NFIB: variants seen among roughly 807,000 people sequenced by gnomAD.
NFIB encodes nuclear factor 1 B-type.
In NFIB, 11 loss-of-function variants were observed where a neutral mutation model predicts 61.5. The ratio of observed to expected loss-of-function variants is 0.18; its 90% CI spans 0.11 to 0.30. The LOEUF (loss-of-function observed/expected upper bound fraction) is 0.30, where lower values mean the gene tolerates loss of function less well. NFIB is among the 10% of genes least tolerant of loss of function. The pLI is 1.00. For missense variants in NFIB, 471 were observed against 608.9 expected (o/e 0.77, Z 2.38); for synonymous variants, 260 against 216.5 (o/e 1.20, Z -1.76).
At chr9:14,266,931 T>G (rs1044313750) in intron 2 of NFIB, among the ~76,000 whole-genome samples, 5 of 152,162 alleles carry the variant, frequency 3.3e-5, no homozygotes, top group African/African-American at 1.2e-4. Flanking sequence ...TAAAACAAAA[T>G]GCAAAATCCA....
chr9:14,216,546 C>CTGTGTGTGTG (rs372536644), intron 2 of NFIB, among the ~76,000 whole-genome samples: 16 of 21,554 alleles, frequency 7.4e-4, no homozygotes, highest in East Asian at 4.4e-3. Context: ...CTCTCTCCCT[C>CTGTGTGTGTG]TGTGTGTGTG....
chr9:14,423,683 G>A, the NFIB span, among the ~76,000 whole-genome samples: 9 of 152,046 alleles, frequency 5.9e-5, no homozygotes. Context: ...CCCCTTTTAG[G>A]GAACCTATTT....
intron 1 of NFIB, among the ~76,000 whole-genome samples, chr9:14,334,289 C>T (rs2060858021): frequency 6.6e-6 from 1 of 152,132 alleles, no homozygotes; most frequent in Admixed American, 6.5e-5. Context: ...TAGACAATGC[C>T]AAATGGATTT....
intron 2 of NFIB, among the ~76,000 whole-genome samples, chr9:14,227,584 C>A (rs1373611346): frequency 6.6e-6 from 1 of 152,088 alleles, no homozygotes; most frequent in African/African-American, 2.4e-5. Flanking sequence ...TGAAAATTTA[C>A]AACGGTACTG....
intron 2 of NFIB, chr9:14,300,252 G>A: frequency 2.5e-6 from 1 of 398,418 alleles, no homozygotes; most frequent in Non-Finnish European, 4.4e-6. Flanking sequence ...TTGGCACTGG[G>A]GCATGCAGCC....
At chr9:14,298,939 C>T (rs146240522) in intron 2 of NFIB, among the ~76,000 whole-genome samples, 8 of 152,252 alleles carry the variant, frequency 5.3e-5, no homozygotes, top group South Asian at 4.1e-4. Flanking sequence ...AAGCTGAGAC[C>T]GACCTCATAA....
intron 1 of NFIB, among the ~76,000 whole-genome samples, chr9:14,392,988 G>A (rs141685140): frequency 5.3e-5 from 8 of 152,222 alleles, no homozygotes; most frequent in Non-Finnish European, 1.2e-4. Context: ...ACAAATCAAC[G>A]GTCTTGCGAA....
rs77012788 is a variant in NFIB, at chr9:14,384,783, G to A, written c.108+13741C>T. On this transcript the variant is annotated intron_variant, in intron 1 of 8. Transcript: ENST00000380934. ...AAACCCTCTCTTTCATACCCTTTTC[G>A]TTTTGTCTGATCAGTAGCTTTACAG... 9.2e-4 allele frequency among the ~76,000 whole-genome samples: 139 copies of A among 151,642 alleles called. 1 individual carries two copies. The East Asian group carries it at 0.014, about 15-fold the overall frequency.
chr9:14,135,681 T>C (rs1371847857), intron 6 of NFIB, among the ~76,000 whole-genome samples: 1 of 152,102 alleles, frequency 6.6e-6, no homozygotes, highest in Non-Finnish European at 1.5e-5. Context: ...CTTATATATA[T>C]ATATTTACAT....
rs183044654 is a variant in NFIB at position 14,372,915 on chromosome 9, C to T, written c.108+25609G>A. Among the ~76,000 whole-genome samples, 206 of 148,982 alleles carry T rather than the reference C, an allele frequency of 1.4e-3. 2 individuals are homozygous for T. The highest frequency in any genetic ancestry group is 4.6e-3 in the African/African-American group (187 of 40,374). On this transcript the variant is annotated intron_variant, in intron 1 of 8. Coordinates refer to the NFIB transcript ENST00000380934. ...GAAAAAGGTATAGGGAAAGACAAAA[C>T]AAAGAAATGCTTTCTAACAGCAACT...
the NFIB span, among the ~76,000 whole-genome samples, chr9:14,481,197 G>GTATATATATACA: frequency 2.2e-5 from 1 of 45,826 alleles, no homozygotes; most frequent in African/African-American, 9.4e-5. Flanking sequence ...GTGTGTGTGT[G>GTATATATATACA]TATATATATA....
intron 2 of NFIB, among the ~76,000 whole-genome samples, chr9:14,258,394 G>A (rs1381935436): frequency 1.3e-5 from 2 of 152,212 alleles, no homozygotes; most frequent in African/African-American, 2.4e-5. Context: ...CACATCTGGA[G>A]TATGTGGCCC....
At chr9:14,495,571 C>T in the NFIB span, among the ~76,000 whole-genome samples, 3 of 149,752 alleles carry the variant, frequency 2.0e-5, no homozygotes, top group African/African-American at 7.4e-5. Flanking sequence ...CCTTTGAGGG[C>T]AACGCCAATC....
At chr9:14,400,084 A>T (rs1233842443), upstream of NFIB, among the ~76,000 whole-genome samples, 4 of 152,010 alleles carry the variant, frequency 2.6e-5, no homozygotes, top group Non-Finnish European at 5.9e-5. Context: ...TTCAATAGCA[A>T]TTTTAAAGCA....
intron 2 of NFIB, among the ~76,000 whole-genome samples, chr9:14,305,038 C>A (rs796439112): frequency 9.2e-5 from 14 of 152,236 alleles, no homozygotes; most frequent in African/African-American, 2.9e-4. Context: ...GAACCAACAA[C>A]AAAATCAATG....
the NFIB span, among the ~76,000 whole-genome samples, chr9:14,410,272 T>C: frequency 6.6e-6 from 1 of 152,204 alleles, no homozygotes. Context: ...TGTTATATGT[T>C]TGCAATCTTT....
intron 2 of NFIB, among the ~76,000 whole-genome samples, chr9:14,231,132 A>AT (rs1563926285): frequency 1.6e-3 from 150 of 93,122 alleles, no homozygotes; most frequent in East Asian, 3.8e-3. Flanking sequence ...AAAAAAAAAA[A>AT]AAAATATATA....
At position 14,313,610 on chromosome 9, in the gene NFIB, T is replaced by A; in HGVS notation, c.-99A>T. On this transcript the variant is annotated 5_prime_UTR_variant, in exon 1 of 11. Transcript: ENST00000380953. This position sits in a 1 kb window ranked among gnomAD's most constrained non-coding sequence, Gnocchi z 4.5. ...TTTTACAGTCATCTGAGCCCCGCGATGCGATCAATCAGGACGGGGCTCTGC... is the reference window on the plus strand; with the variant it reads ...TTTTACAGTCATCTGAGCCCCGCGAAGCGATCAATCAGGACGGGGCTCTGC... The A allele has an allele frequency of 6.2e-7, 1 of 1,603,652 alleles. No homozygotes were observed.
At chr9:14,408,598 C>A in the NFIB span, among the ~76,000 whole-genome samples, 1 of 152,100 alleles carries the variant, frequency 6.6e-6, no homozygotes. Context: ...TCACTTGATC[C>A]CAATTTATTC....
Sources: gnomAD v4.1 joint callset for allele counts (sites outside exome capture counted in the v4.1 genomes callset) on GRCh38, gnomAD v4.1.1 for gene constraint, Gnocchi (gnomAD v3.1) non-coding constraint, MANE v1.5 for transcripts, NCBI Gene and HGNC (gene_info 2026-07-23, HGNC 2026-07-21) for gene names.